The following MISFA variants were observed in gnomAD, a reference collection of about 807,000 sequenced individuals.
The protein encoded by MISFA is mitochondrial sheath formation-associated protein.
chr11:18,605,733 C>G, the MISFA span, among the ~76,000 whole-genome samples: 1 of 152,162 alleles, frequency 6.6e-6, no homozygotes, highest in Admixed American at 6.6e-5. Flanking sequence ...TTCTGTCACC[C>G]AGGATAGAGT....
At chr11:18,608,719 G>A in the MISFA span, 1 of 152,486 alleles carries the variant, frequency 6.6e-6, no homozygotes. Context: ...TTTAAAAAGG[G>A]TAAAAATGAG....
At chr11:18,606,433 C>T in the MISFA span, 1 of 167,506 alleles carries the variant, frequency 6.0e-6, no homozygotes, top group Non-Finnish European at 1.3e-5. Flanking sequence ...CCTACAATTT[C>T]TTGTATACAT....
At chr11:18,599,808 T>C in the MISFA span, 1 of 394,250 alleles carries the variant, frequency 2.5e-6, no homozygotes. Flanking sequence ...AGCCAAAGAC[T>C]CGAACAGACA....
the MISFA span, among the ~76,000 whole-genome samples, chr11:18,600,307 G>A: frequency 3.2e-4 from 48 of 150,416 alleles, no homozygotes; most frequent in South Asian, 9.4e-3. Flanking sequence ...AGGCTCAAGC[G>A]ATTCTCCTGC....
the MISFA span, among the ~76,000 whole-genome samples, chr11:18,600,344 C>T: frequency 6.6e-6 from 1 of 151,348 alleles, no homozygotes; most frequent in African/African-American, 2.4e-5. Context: ...GCTGGGATTA[C>T]AGGCATGCAC....
At chr11:18,602,972 T>C in the MISFA span, 1 of 395,036 alleles carries the variant, frequency 2.5e-6, no homozygotes, top group Non-Finnish European at 4.5e-6. Context: ...GCCACTTCAA[T>C]TCAGACTAGG....
chr11:18,606,685 G>A, the MISFA span: 4 of 409,660 alleles, frequency 9.8e-6, no homozygotes, highest in South Asian at 5.4e-5. Context: ...TCAATACATT[G>A]AAAATAAAAC....
chr11:18,606,065 A>C, the MISFA span, among the ~76,000 whole-genome samples: 1 of 152,188 alleles, frequency 6.6e-6, no homozygotes, highest in African/African-American at 2.4e-5. Context: ...CATTTTGACA[A>C]GAGGAACCAT....
chr11:18,602,940 C>T, the MISFA span: 3 of 371,380 alleles, frequency 8.1e-6, no homozygotes, highest in Non-Finnish European at 1.4e-5. Flanking sequence ...CTGAGCTCTG[C>T]CCCCCTAAAT....
At chr11:18,605,534 T>A in the MISFA span, among the ~76,000 whole-genome samples, 2 of 152,158 alleles carry the variant, frequency 1.3e-5, no homozygotes, top group Admixed American at 6.5e-5. Context: ...TACCTTTTTT[T>A]AATGGAAAGA....
chr11:18,603,995 C>T, the MISFA span: 9 of 286,404 alleles, frequency 3.1e-5, no homozygotes, highest in East Asian at 1.0e-4. Context: ...GGCGCGATCT[C>T]GGCTCACTGC....
At chr11:18,606,883 T>C in the MISFA span, 1 of 354,476 alleles carries the variant, frequency 2.8e-6, no homozygotes, top group South Asian at 2.1e-5. Flanking sequence ...TTTTTTGACA[T>C]GGAGTCTCGC....
the MISFA span, chr11:18,602,396 C>T: frequency 6.6e-6 from 1 of 152,622 alleles, no homozygotes; most frequent in Admixed American, 6.5e-5. Context: ...TCCATCTGCC[C>T]CAGGATTTCT....
chr11:18,609,274 A>G, the MISFA span: 2 of 152,964 alleles, frequency 1.3e-5, no homozygotes, highest in East Asian at 3.8e-4. Context: ...TCAGCATCCA[A>G]TCCATGAATA....
At chr11:18,603,120 C>T in the MISFA span, 1 of 399,064 alleles carries the variant, frequency 2.5e-6, no homozygotes, top group Non-Finnish European at 4.4e-6. Flanking sequence ...AAAGAAGCCT[C>T]ATGATGATTG....
chr11:18,602,919 A>G, the MISFA span: 1 of 384,966 alleles, frequency 2.6e-6, no homozygotes. Flanking sequence ...AGCTGATATC[A>G]TAATTGGTGT....
chr11:18,600,492 C>A, the MISFA span, among the ~76,000 whole-genome samples: 15 of 146,240 alleles, frequency 1.0e-4, no homozygotes, highest in African/African-American at 3.8e-4. Context: ...CATGAGCCAC[C>A]ACGCCTGGCT....
At chr11:18,602,031 C>T in the MISFA span, 2 of 152,190 alleles carry the variant, frequency 1.3e-5, no homozygotes, top group African/African-American at 4.8e-5. Context: ...AACTATTTAC[C>T]TGAGGCCACA....
chr11:18,609,199 C>A, the MISFA span: 48 of 152,260 alleles, frequency 3.2e-4, 1 homozygote, highest in Admixed American at 3.1e-3. Context: ...ACTGTTATAA[C>A]CTGTATTTTA....
Sources: allele counts gnomAD v4.1 joint callset (sites outside exome capture counted in the v4.1 genomes callset), GRCh38; gene constraint gnomAD v4.1.1; transcripts MANE v1.5; gene names NCBI Gene and HGNC (gene_info 2026-07-23, HGNC 2026-07-21).